Variants in UBE3B observed in about 807,000 individuals in gnomAD.
The protein encoded by UBE3B is ubiquitin-protein ligase E3B.
A neutral mutation model predicts 132.3 loss-of-function variants in UBE3B; 80 were observed. The ratio of observed to expected loss-of-function variants is 0.60; its 90% confidence interval spans 0.50 to 0.73. The LOEUF is 0.73. Ranked by LOEUF, UBE3B falls within the 30% of genes least tolerant of loss-of-function variation. The probability of loss-of-function intolerance (pLI) is 0.00; values close to 1 mark genes in which losing one functional copy is unlikely to be tolerated. For synonymous variants in UBE3B, 487 were observed against 520.4 expected (o/e 0.94, Z 0.87); for missense variants, 1,196 against 1,362.5 (o/e 0.88, Z 1.92).
At chr12:109,526,304 C>CT in intron 23 of UBE3B, 54 bp from the exon 24 acceptor site, 4 of 1,575,902 alleles carry the variant, frequency 2.5e-6, no homozygotes, top group Middle Eastern at 1.7e-4. Context: ...CTCCGGGAAG[C>CT]TTTATTTCCC....
intron 24 of UBE3B, among the ~76,000 whole-genome samples, chr12:109,528,867 A>G (rs11611746): frequency 2.6e-5 from 4 of 151,398 alleles, no homozygotes; most frequent in Admixed American, 1.3e-4. Context: ...AAAAGAAAAG[A>G]AAAAGAAAAG....
At chr12:109,508,186 A>T (rs1307185056) in intron 15 of UBE3B, among the ~76,000 whole-genome samples, 2 of 152,252 alleles carry the variant, frequency 1.3e-5, no homozygotes, top group African/African-American at 4.8e-5. Flanking sequence ...ACAATAGCAC[A>T]TACCTTTTAG....
At chr12:109,498,050 T>C in intron 10 of UBE3B, 127 bp downstream of exon 10, 1 of 1,299,574 alleles carries the variant, frequency 7.7e-7, no homozygotes, top group East Asian at 2.3e-5. Flanking sequence ...TTGGGACCAG[T>C]GGCCGTGATA....
At chr12:109,508,753 G>T in intron 15 of UBE3B, 5 of 984,918 alleles carry the variant, frequency 5.1e-6, no homozygotes, top group Non-Finnish European at 4.8e-6. Flanking sequence ...CTAGTGTATG[G>T]AGCAGTGTTA....
Position 109,501,524 on chromosome 12 carries a change from C to T in UBE3B, c.1272C>T (p.Leu424=), listed in dbSNP as rs1878991014. 1.2e-6 allele frequency: 2 copies of T among 1,613,578 alleles called. No individual in the cohort carries two copies. Among genetic ancestry groups the T allele is most frequent in the Non-Finnish European group, 1.7e-6 (2 of 1,179,770 alleles). Residue 424 remains leucine (L), a synonymous_variant, in exon 13 of 28, where the codon CTC becomes CTT. Transcript: ENST00000342494. The part of the protein sequence containing the change: ...HAQPASPQNV[L]PVKSLLKRAF... ...AGCCAGCATCCCCTCAGAATGTGCT[C>T]CCAGTGAAGAGTGAGTGACGGGAGC... is the stretch of plus-strand genomic sequence containing the variant.
chr12:109,494,302 A>G (rs1052665746), intron 9 of UBE3B, among the ~76,000 whole-genome samples: 30 of 152,320 alleles, frequency 2.0e-4, no homozygotes, highest in African/African-American at 7.2e-4. Flanking sequence ...ACATTTTTGT[A>G]TTCTAAGAAT....
At chr12:109,478,958 A>G (rs1361075498) in intron 1 of UBE3B, among the ~76,000 whole-genome samples, 2 of 152,196 alleles carry the variant, frequency 1.3e-5, no homozygotes, top group African/African-American at 4.8e-5. Flanking sequence ...AGCAGTTGGT[A>G]TTTATGATGC....
rs1877228810 is a variant in UBE3B at position 109,490,257 on chromosome 12, C to A, written c.630+253C>A. On this transcript the variant is annotated intron_variant, in intron 8 of 27. Transcript: ENST00000342494. ...CTGCAAGGGTAATCCAGTCTTTTGA[C>A]ATTTAAACTCTGGAAGGAGACCTCA... is the stretch of plus-strand genomic sequence containing the variant. 3 of 1,004,196 alleles carry A rather than the reference C, an allele frequency of 3.0e-6. No homozygotes were observed. In the Admixed American group the frequency reaches 6.7e-5, roughly 23 times the overall value. The allele number at this position is 1,004,196 out of a possible 1,614,324, so 62.2% of individuals were successfully genotyped here.
intron 7 of UBE3B, among the ~76,000 whole-genome samples, chr12:109,489,718 G>T (rs1877104622): frequency 6.6e-6 from 1 of 152,190 alleles, no homozygotes; most frequent in Admixed American, 6.5e-5. Context: ...TGACACTTGA[G>T]CCAGGCCTAC....
the UBE3B span, among the ~76,000 whole-genome samples, chr12:109,547,537 C>T: frequency 1.3e-5 from 2 of 152,256 alleles, no homozygotes; most frequent in African/African-American, 4.8e-5. The surrounding 1 kb of genome is among the most constrained non-coding windows in gnomAD (Gnocchi z 4.1). Flanking sequence ...AGGCTGGGGG[C>T]TATGCATGCC....
At chr12:109,528,885 G>A (rs574453691) in intron 24 of UBE3B, among the ~76,000 whole-genome samples, 32 of 151,882 alleles carry the variant, frequency 2.1e-4, no homozygotes, top group Non-Finnish European at 3.4e-4. Context: ...AAGGCCAGGC[G>A]TGGTGGCTCA....
intron 24 of UBE3B, among the ~76,000 whole-genome samples, chr12:109,528,892 C>T (rs934862725): frequency 2.6e-5 from 4 of 151,252 alleles, no homozygotes; most frequent in African/African-American, 9.7e-5. Flanking sequence ...GGCGTGGTGG[C>T]TCACATCTGT....
At chr12:109,539,413 C>T (rs1448111204), downstream of UBE3B, among the ~76,000 whole-genome samples, 6 of 152,290 alleles carry the variant, frequency 3.9e-5, no homozygotes, top group East Asian at 7.7e-4. Context: ...GCAGATCTTA[C>T]GAGGGCATTA....
chr12:109,512,018 G>A (rs957057308), intron 18 of UBE3B, among the ~76,000 whole-genome samples: 1 of 152,148 alleles, frequency 6.6e-6, no homozygotes, highest in African/African-American at 2.4e-5. Flanking sequence ...GGGTACTTGG[G>A]GGGTGTTTTC....
chr12:109,524,737 C>T (rs932220882), intron 23 of UBE3B, among the ~76,000 whole-genome samples: 3 of 152,026 alleles, frequency 2.0e-5, no homozygotes, highest in African/African-American at 4.8e-5. Context: ...TTTCTTATAT[C>T]GCATTTTAGG....
At position 109,522,976 on chromosome 12, in the gene UBE3B, T is replaced by C. The variant is rs1881884455; in HGVS notation, c.2365-1002T>C. Among the ~76,000 whole-genome samples the C allele has an allele frequency of 6.6e-6, 1 of 152,230 alleles. No individual in the cohort carries two copies. The highest frequency in any genetic ancestry group is 2.4e-5 in the African/African-American group (1 of 41,464). ...GACACTCAGAAGAGCCTGGGCCACC[T>C]GGAAAGCATGGCCTCCTGGCTTCTC... is the stretch of plus-strand genomic sequence containing the variant. On this transcript the variant is annotated intron_variant, in intron 21 of 27. Coordinates refer to ENST00000342494, the MANE Select transcript of UBE3B (RefSeq NM_130466.4). This position sits in a 1 kb window ranked among gnomAD's most constrained non-coding sequence, Gnocchi z 4.2.
Position 109,497,364 on chromosome 12 carries a change from A to G in UBE3B, c.714-454A>G, listed in dbSNP as rs562891425. ...TATATTGTGTATCTATAGTGTATAT[A>G]TAGTTTTAAATAAACTGCTTAACTG... On this transcript the variant is annotated intron_variant, in intron 9 of 27. Coordinates refer to ENST00000342494, the MANE Select transcript of UBE3B (RefSeq NM_130466.4). Among the ~76,000 whole-genome samples, 146 of 152,176 alleles carry G rather than the reference A, an allele frequency of 9.6e-4. 1 individual carries two copies. The highest frequency in any genetic ancestry group is 3.4e-3 in the African/African-American group (140 of 41,542).
At chr12:109,490,466 G>T in intron 8 of UBE3B, 1 of 1,535,166 alleles carries the variant, frequency 6.5e-7, no homozygotes, top group South Asian at 1.2e-5. Flanking sequence ...AAGTAATGTT[G>T]ACTTTGCCCT....
At chr12:109,546,506 A>G in the UBE3B span, among the ~76,000 whole-genome samples, 1 of 152,194 alleles carries the variant, frequency 6.6e-6, no homozygotes, top group East Asian at 1.9e-4. Context: ...TCTCTTTAGG[A>G]TGCTGTGGGC....
Sources: allele counts gnomAD v4.1 joint callset (sites outside exome capture counted in the v4.1 genomes callset), GRCh38; gene constraint gnomAD v4.1.1; non-coding constraint Gnocchi (gnomAD v3.1); transcripts MANE v1.5; gene names NCBI Gene and HGNC (gene_info 2026-07-23, HGNC 2026-07-21).